SGCZ: variants seen among roughly 807,000 people sequenced by gnomAD.
SGCZ encodes the protein sarcoglycan zeta, also known as zeta-sarcoglycan.
A neutral mutation model predicts 41.3 loss-of-function variants in SGCZ; 40 were observed. The observed-to-expected ratio is 0.97, with a 90% CI of 0.75 to 1.26. The LOEUF is 1.26. Ranked by LOEUF, SGCZ falls within the 50% of genes most tolerant of loss-of-function variation. The pLI, the probability that SGCZ is intolerant of heterozygous loss-of-function variation, is 0.00. For synonymous variants in SGCZ, 206 were observed against 137.5 expected, an observed-to-expected ratio of 1.50 and a Z score of -3.49; for missense variants, 552 against 369.8, an observed-to-expected ratio of 1.49 and a Z score of -4.04.
chr8:14,300,475 T>C (rs1433986092), intron 3 of SGCZ, among the ~76,000 whole-genome samples: 1 of 152,018 alleles, frequency 6.6e-6, no homozygotes, highest in Non-Finnish European at 1.5e-5. Context: ...TTCCCAGGTA[T>C]GCTACTTACT....
chr8:14,321,538 CA>C (rs34057334), intron 3 of SGCZ, among the ~76,000 whole-genome samples: 47,934 of 151,840 alleles, frequency 0.32, 8,621 homozygotes, highest in South Asian at 0.51. Context: ...CCTGTACAAC[CA>C]CAAAGTAATT....
intron 1 of SGCZ, among the ~76,000 whole-genome samples, chr8:15,065,909 T>C (rs1805122924): frequency 6.6e-6 from 1 of 152,244 alleles, no homozygotes; most frequent in African/African-American, 2.4e-5. Flanking sequence ...CACATATTTC[T>C]GTGAAATAGG....
At chr8:15,017,555 G>A (rs975591124) in intron 1 of SGCZ, among the ~76,000 whole-genome samples, 1 of 152,094 alleles carries the variant, frequency 6.6e-6, no homozygotes, top group African/African-American at 2.4e-5. Context: ...AGGCTTGAGT[G>A]CAATGGCACA....
At chr8:14,438,518 C>T (rs556387724) in intron 2 of SGCZ, among the ~76,000 whole-genome samples, 6 of 152,000 alleles carry the variant, frequency 3.9e-5, no homozygotes, top group Non-Finnish European at 5.9e-5. Context: ...CTATTCTAGA[C>T]TTGTACATGC....
At chr8:14,398,286 T>C (rs1352335730) in intron 2 of SGCZ, among the ~76,000 whole-genome samples, 1 of 152,144 alleles carries the variant, frequency 6.6e-6, no homozygotes, top group Non-Finnish European at 1.5e-5. Context: ...GAGAACAGTG[T>C]GACCTATTCC....
chr8:14,631,730 T>C (rs563963783), intron 1 of SGCZ, among the ~76,000 whole-genome samples: 5 of 152,090 alleles, frequency 3.3e-5, no homozygotes, highest in African/African-American at 1.2e-4. Context: ...ATTAGTATTA[T>C]CTCATATAAA....
At chr8:14,618,779 G>C (rs73194140) in intron 1 of SGCZ, among the ~76,000 whole-genome samples, 1,562 of 152,246 alleles carry the variant, frequency 0.01, 14 homozygotes, top group Middle Eastern at 0.017. Context: ...GAAATGAACA[G>C]AGTATATGTA....
chr8:14,098,064 G>C (rs1449348701), intron 7 of SGCZ, among the ~76,000 whole-genome samples: 2 of 152,024 alleles, frequency 1.3e-5, no homozygotes, highest in African/African-American at 2.4e-5. Context: ...TGAATTTTTA[G>C]TAATTCCTAC....
intron 1 of SGCZ, among the ~76,000 whole-genome samples, chr8:15,104,602 T>TA (rs1411891843): frequency 6.6e-6 from 1 of 152,230 alleles, no homozygotes; most frequent in Admixed American, 6.5e-5. Context: ...AAAATGTTTA[T>TA]ACACATAAAC....
chr8:14,646,344 A>T (rs1412469034), intron 1 of SGCZ, among the ~76,000 whole-genome samples: 1 of 151,668 alleles, frequency 6.6e-6, no homozygotes, highest in African/African-American at 2.4e-5. Flanking sequence ...AGGATAATGG[A>T]CTCCAGCTGC....
At chr8:14,314,142 T>G (rs1211390579) in intron 3 of SGCZ, among the ~76,000 whole-genome samples, 2 of 152,176 alleles carry the variant, frequency 1.3e-5, no homozygotes, top group Non-Finnish European at 2.9e-5. Context: ...GAACTCCTTT[T>G]AAAGCTGCCC....
chr8:14,512,053 C>T (rs1425130064), intron 2 of SGCZ, among the ~76,000 whole-genome samples: 1 of 152,092 alleles, frequency 6.6e-6, no homozygotes, highest in African/African-American at 2.4e-5. Context: ...TCTAGACTAT[C>T]AAATATCCAT....
intron 1 of SGCZ, among the ~76,000 whole-genome samples, chr8:15,028,607 T>C (rs1803543255): frequency 6.6e-6 from 1 of 152,122 alleles, no homozygotes; most frequent in Admixed American, 6.5e-5. Context: ...TGCTGGTTGC[T>C]TCACAGGCTC....
chr8:15,056,363 A>G (rs1184828388), intron 1 of SGCZ, among the ~76,000 whole-genome samples: 1 of 152,190 alleles, frequency 6.6e-6, no homozygotes, highest in East Asian at 1.9e-4. Flanking sequence ...AAATAATGAT[A>G]TCTTTTCTCT....
intron 5 of SGCZ, among the ~76,000 whole-genome samples, chr8:14,158,482 C>T (rs919208680): frequency 3.8e-4 from 57 of 151,976 alleles, no homozygotes; most frequent in African/African-American, 1.3e-3. Flanking sequence ...CCCAGTCCAC[C>T]GACTCAAATG....
chr8:14,114,471 A>G (rs924193315), intron 5 of SGCZ, among the ~76,000 whole-genome samples: 1 of 152,016 alleles, frequency 6.6e-6, no homozygotes, highest in Non-Finnish European at 1.5e-5. Context: ...GGACTGAAAA[A>G]TAAGCTGCCA....
chr8:14,904,120 T>C (rs1265197169), intron 1 of SGCZ, among the ~76,000 whole-genome samples: 1 of 152,018 alleles, frequency 6.6e-6, no homozygotes, highest in Non-Finnish European at 1.5e-5. Context: ...ATCTTAGGGG[T>C]TTTCATGAAA....
chr8:14,575,321 G>C (rs1804674395), intron 1 of SGCZ, among the ~76,000 whole-genome samples: 1 of 152,160 alleles, frequency 6.6e-6, no homozygotes. Flanking sequence ...AATGGAAATA[G>C]CAAGTGATGG....
intron 1 of SGCZ, among the ~76,000 whole-genome samples, chr8:14,688,600 T>A (rs895133611): frequency 6.6e-6 from 1 of 152,188 alleles, no homozygotes. Context: ...TACTGTAGCC[T>A]TGTAGTATAG....
Sources: gnomAD v4.1 joint callset for allele counts (sites outside exome capture counted in the v4.1 genomes callset) on GRCh38, gnomAD v4.1.1 for gene constraint, MANE v1.5 for transcripts, NCBI Gene and HGNC (gene_info 2026-07-23, HGNC 2026-07-21) for gene names.